NBN: variants seen among roughly 807,000 people sequenced by gnomAD.
The protein encoded by NBN is nibrin.
NBN carries 88 observed loss-of-function variants against 90.8 expected under a neutral mutation model. That is an observed-to-expected ratio of 0.97 (90% CI 0.82 to 1.16). The LOEUF is 1.16. NBN is among the 50% of genes most tolerant of loss of function. The pLI is 0.00. For synonymous variants in NBN, 328 were observed against 295.1 expected (o/e 1.11, Z -1.14); for missense variants, 894 against 869.6 (o/e 1.03, Z -0.35).
chr8:89,981,267 G>C, intron 3 of NBN, 108 bp downstream of exon 3: 2 of 1,236,694 alleles, frequency 1.6e-6, no homozygotes, highest in Non-Finnish European at 2.4e-6. Flanking sequence ...GTGCTAAGCA[G>C]GAACTAAATT....
intron 2 of NBN, chr8:89,981,946 G>T: frequency 1.7e-6 from 2 of 1,172,114 alleles, no homozygotes; most frequent in South Asian, 3.0e-5. Context: ...TAGTGTTTCT[G>T]ACTTACAGTA....
rs1238502593 is a variant in NBN at position 89,935,478 on chromosome 8, G to A, written c.*104C>T. On this transcript the variant is annotated 3_prime_UTR_variant, in exon 16 of 16. Transcript: ENST00000265433. ...TAATAAATTTAGGCCATAAAACATT[G>A]TAACTTAAATCGCTTCTATACACTA... 5.9e-6 allele frequency: 8 copies of A among 1,353,342 alleles called. No individual in the cohort carries two copies. Among genetic ancestry groups the A allele is most frequent in the Non-Finnish European group, 8.3e-6 (8 of 960,038 alleles). The allele number at this position is 1,353,342 out of a possible 1,614,324, so 83.8% of individuals were successfully genotyped here. A position where few individuals can be genotyped will look rare whatever the true frequency, so the allele number is the denominator to read the frequency against.
At chr8:89,956,412 T>C (rs1389515197) in intron 9 of NBN, among the ~76,000 whole-genome samples, 1 of 151,868 alleles carries the variant, frequency 6.6e-6, no homozygotes, top group Non-Finnish European at 1.5e-5. Context: ...AAATAGAAAA[T>C]AACAAATAAT....
Position 89,943,261 on chromosome 8 carries a change from C to T in NBN, c.2176G>A (p.Glu726Lys), listed in dbSNP as rs1421870412. ...NTELEEWLRQ[E>K]MEVQNQHAKE... ...CCTCACTTCCTACTAACCTCCATTTCCTGCCTTAGCCACTCTTCTAGTTCT... is the reference window on the plus strand; with the variant it reads ...CCTCACTTCCTACTAACCTCCATTTTCTGCCTTAGCCACTCTTCTAGTTCT... The change falls in exon 14 of 16, where the codon GAA becomes AAA. Residue 726 changes from glutamate (E) to lysine (K), a missense_variant. By Grantham distance (56) the Glu-to-Lys change is moderately conservative. Transcript: ENST00000265433. The T allele has an allele frequency of 6.2e-7, 1 of 1,613,584 alleles. No individual in the cohort carries two copies. Among genetic ancestry groups the T allele is most frequent in the Non-Finnish European group, 8.5e-7 (1 of 1,179,780 alleles).
At chr8:89,955,151 G>A in intron 10 of NBN, 132 bp downstream of exon 10, 2 of 838,196 alleles carry the variant, frequency 2.4e-6, no homozygotes, top group Non-Finnish European at 3.8e-6. Flanking sequence ...TTCTGAGAGG[G>A]AAAGCGGTCA....
rs1438838735 is a variant in NBN, at chr8:89,981,446, C to T, written c.249G>A (p.Met83Ile). The change falls in exon 3 of 16, where the codon ATG (methionine) becomes ATA (isoleucine). Residue 83 changes from methionine to isoleucine, a missense_variant. Coordinates refer to ENST00000265433, the MANE Select transcript of NBN (RefSeq NM_002485.5). ...TCAAAGTTCGGGAAAAGCCATTCTG[C>T]ATTTTTTCCTCATTAACAAAGGTAC... ...KYGTFVNEEK[M>I]QNGFSRTLKS... The T allele has an allele frequency of 6.2e-7, 1 of 1,614,062 alleles. No individual in the cohort carries two copies. The highest frequency in any genetic ancestry group is 1.7e-5 in the Admixed American group (1 of 60,024).
At chr8:89,965,682 G>T (rs1441017046) in intron 7 of NBN, among the ~76,000 whole-genome samples, 1 of 152,002 alleles carries the variant, frequency 6.6e-6, no homozygotes, top group East Asian at 1.9e-4. Context: ...TAGAGATGGG[G>T]TTTCACTACG....
At chr8:89,948,152 T>C (rs183471672) in intron 11 of NBN, among the ~76,000 whole-genome samples, 1 of 152,242 alleles carries the variant, frequency 6.6e-6, no homozygotes, top group African/African-American at 2.4e-5. Flanking sequence ...ATAAATCACA[T>C]GCTTAGAGAA....
chr8:89,977,095 C>G (rs7463645), intron 5 of NBN, among the ~76,000 whole-genome samples: 46,823 of 151,788 alleles, frequency 0.31, 7,471 homozygotes, highest in East Asian at 0.45. Flanking sequence ...GATACATGTG[C>G]AGAACATGCA....
rs786203223 is a variant in NBN at position 89,946,138 on chromosome 8, A to C, written c.2070+2T>G. 6.4e-6 allele frequency: 10 copies of C among 1,566,044 alleles called. No homozygotes were observed. The highest frequency in any genetic ancestry group is 8.8e-6 in the Non-Finnish European group (10 of 1,138,432). On this transcript the variant is annotated splice_donor_variant, in intron 13 of 15. Coordinates refer to ENST00000265433, the MANE Select transcript of NBN (RefSeq NM_002485.5). LOFTEE classifies it high-confidence loss of function. The stretch of plus-strand genomic sequence containing the variant: ...CTCTTGTGATACAGTTGAAATACCT[A>C]CCTTTTTGAATTTCTTGAAATTTTT...
intron 8 of NBN, among the ~76,000 whole-genome samples, chr8:89,962,313 G>A (rs1811027128): frequency 6.6e-6 from 1 of 152,126 alleles, no homozygotes; most frequent in Non-Finnish European, 1.5e-5. Flanking sequence ...GACCCCAAAT[G>A]GGTGCTGAGA....
chr8:89,950,317 T>C (rs531912623), intron 11 of NBN, among the ~76,000 whole-genome samples: 1 of 152,294 alleles, frequency 6.6e-6, no homozygotes, highest in South Asian at 2.1e-4. Flanking sequence ...CCTAGGCACA[T>C]CCTCTCATAT....
At chr8:89,984,326 C>A in intron 1 of NBN, 199 bp downstream of exon 1, 1 of 637,886 alleles carries the variant, frequency 1.6e-6, no homozygotes, top group South Asian at 1.8e-5. Context: ...CCCCACCGCC[C>A]GCGCTGAATT....
intron 14 of NBN, 71 bp downstream of exon 14, chr8:89,943,182 T>C (rs1009919271): frequency 6.6e-6 from 10 of 1,516,306 alleles, no homozygotes; most frequent in African/African-American, 2.8e-5. Flanking sequence ...TTAAGAAGAA[T>C]TTGCTTGAAG....
chr8:89,980,696 A>C, intron 4 of NBN, 38 bp downstream of exon 4: 1 of 1,551,240 alleles, frequency 6.4e-7, no homozygotes, highest in Non-Finnish European at 8.9e-7. Flanking sequence ...AAATTCAAAT[A>C]ACTTATTTTT....
At chr8:89,963,060 T>G (rs866967974) in intron 8 of NBN, among the ~76,000 whole-genome samples, 1 of 152,202 alleles carries the variant, frequency 6.6e-6, no homozygotes, top group African/African-American at 2.4e-5. Flanking sequence ...AGGACTGTTT[T>G]GCAGATTAAA....
intron 9 of NBN, among the ~76,000 whole-genome samples, chr8:89,958,269 T>C (rs1255521632): frequency 6.6e-6 from 1 of 152,202 alleles, no homozygotes; most frequent in Non-Finnish European, 1.5e-5. Flanking sequence ...TAACAGGTGA[T>C]GGACTGATAC....
chr8:89,973,411 G>A (rs1811601381), intron 5 of NBN, among the ~76,000 whole-genome samples: 1 of 152,044 alleles, frequency 6.6e-6, no homozygotes. Context: ...CCAATACTTG[G>A]TAAGATCAAT....
At chr8:89,959,000 C>G in intron 8 of NBN, 146 bp from the exon 9 acceptor site, 2 of 1,072,466 alleles carry the variant, frequency 1.9e-6, no homozygotes, top group Non-Finnish European at 2.8e-6. Flanking sequence ...GTGGTACCAA[C>G]AAACACAAAA....
Sources: allele counts gnomAD v4.1 joint callset (sites outside exome capture counted in the v4.1 genomes callset), GRCh38; gene constraint gnomAD v4.1.1; transcripts MANE v1.5; gene names NCBI Gene and HGNC (gene_info 2026-07-23, HGNC 2026-07-21).